The following DCLK1 variants were observed in gnomAD, a reference collection of about 807,000 sequenced individuals.
DCLK1 encodes serine/threonine-protein kinase DCLK1.
DCLK1 carries 16 observed loss-of-function variants against 86.2 expected under a neutral mutation model. The ratio of observed to expected loss-of-function variants is 0.19; its 90% CI spans 0.13 to 0.28. The LOEUF is 0.28. Ranked by LOEUF, DCLK1 falls within the 10% of genes least tolerant of loss-of-function variation. The pLI, the probability that DCLK1 is intolerant of heterozygous loss-of-function variation, is 1.00. For synonymous variants in DCLK1, 369 were observed against 370.5 expected, an observed-to-expected ratio of 1.00 and a Z score of 0.05; for missense variants, 590 against 940.2, an observed-to-expected ratio of 0.63 and a Z score of 4.87.
At chr13:35,854,110 C>T (rs1870869222) in intron 6 of DCLK1, among the ~76,000 whole-genome samples, 1 of 152,180 alleles carries the variant, frequency 6.6e-6, no homozygotes, top group South Asian at 2.1e-4. Flanking sequence ...CCATCCATAC[C>T]ATAAGCAATT....
At chr13:35,995,130 C>CT in intron 3 of DCLK1, among the ~76,000 whole-genome samples, 1 of 152,268 alleles carries the variant, frequency 6.6e-6, no homozygotes, top group East Asian at 1.9e-4. Flanking sequence ...GAGTTTCTTC[C>CT]TTTTCTTTCT....
intron 4 of DCLK1, among the ~76,000 whole-genome samples, chr13:35,885,179 C>A (rs1021608217): frequency 1.3e-5 from 2 of 152,084 alleles, no homozygotes; most frequent in African/African-American, 4.8e-5. Context: ...TAGAAGTCAG[C>A]CAAGCCTTTT....
chr13:35,913,992 T>C (rs1288437332), intron 4 of DCLK1, among the ~76,000 whole-genome samples: 1 of 152,028 alleles, frequency 6.6e-6, no homozygotes, highest in African/African-American at 2.4e-5. Context: ...TCAGTTAGTA[T>C]AGGAAAGAGG....
chr13:35,878,664 T>C (rs1276249570), intron 4 of DCLK1, among the ~76,000 whole-genome samples: 1 of 152,178 alleles, frequency 6.6e-6, no homozygotes, highest in Non-Finnish European at 1.5e-5. Flanking sequence ...AGAGTATAAT[T>C]GGAATAAATG....
chr13:35,802,593 G>C (rs1465669043), intron 15 of DCLK1, among the ~76,000 whole-genome samples: 1 of 151,900 alleles, frequency 6.6e-6, no homozygotes, highest in Non-Finnish European at 1.5e-5. Context: ...AACTTTTCCA[G>C]AAAACTAGCT....
chr13:36,057,271 T>G (rs1240479050), intron 3 of DCLK1, among the ~76,000 whole-genome samples: 2 of 152,058 alleles, frequency 1.3e-5, no homozygotes, highest in African/African-American at 2.4e-5. Context: ...GTCCCACCCC[T>G]TTTCCTTCCC....
intron 4 of DCLK1, among the ~76,000 whole-genome samples, chr13:35,946,274 G>A (rs1234036075): frequency 6.6e-6 from 1 of 152,130 alleles, no homozygotes; most frequent in African/African-American, 2.4e-5. Context: ...AAAGTGCTGG[G>A]GTTACAGGTG....
chr13:35,940,279 A>C (rs1877010312), intron 4 of DCLK1, among the ~76,000 whole-genome samples: 1 of 141,942 alleles, frequency 7.0e-6, no homozygotes. Flanking sequence ...GTGACACAGC[A>C]AGAGTCCGTC....
At chr13:36,125,633 G>A (rs1821028847) in intron 2 of DCLK1, 129 bp downstream of exon 2, 1 of 1,350,526 alleles carries the variant, frequency 7.4e-7, no homozygotes, top group East Asian at 2.4e-5. Flanking sequence ...TCGTATGTCT[G>A]AAACTATAAG....
chr13:36,080,021 A>T (rs1468612994), intron 3 of DCLK1, among the ~76,000 whole-genome samples: 1 of 152,212 alleles, frequency 6.6e-6, no homozygotes, highest in Non-Finnish European at 1.5e-5. Context: ...CTGCAGTGAC[A>T]TACACACATG....
At chr13:36,117,359 G>A (rs1885825191) in intron 2 of DCLK1, among the ~76,000 whole-genome samples, 2 of 152,048 alleles carry the variant, frequency 1.3e-5, no homozygotes, top group Non-Finnish European at 2.9e-5. Flanking sequence ...GCCAAGAAAT[G>A]CAAGTTAAAG....
chr13:35,963,696 G>A (rs1422161378), intron 3 of DCLK1, among the ~76,000 whole-genome samples: 3 of 152,220 alleles, frequency 2.0e-5, no homozygotes, highest in South Asian at 2.1e-4. Flanking sequence ...TGGATTATGG[G>A]GGTGGTTTCC....
chr13:36,083,299 C>G (rs566769927), intron 3 of DCLK1, among the ~76,000 whole-genome samples: 18 of 152,270 alleles, frequency 1.2e-4, no homozygotes, highest in African/African-American at 3.6e-4. Flanking sequence ...CTAAAATACA[C>G]TAAAAATGTC....
At chr13:36,072,898 T>G (rs1413457113) in intron 3 of DCLK1, among the ~76,000 whole-genome samples, 2 of 152,236 alleles carry the variant, frequency 1.3e-5, no homozygotes, top group African/African-American at 2.4e-5. Context: ...ATAATCATTT[T>G]CTGTTGTATC....
At chr13:36,062,873 T>C (rs17053384) in intron 3 of DCLK1, among the ~76,000 whole-genome samples, 57,043 of 152,032 alleles carry the variant, frequency 0.38, 10,942 homozygotes, top group South Asian at 0.59. Flanking sequence ...GTCACCATGA[T>C]GTCTACTAAT....
At chr13:36,098,828 A>C (rs1472813837) in intron 3 of DCLK1, among the ~76,000 whole-genome samples, 3 of 152,234 alleles carry the variant, frequency 2.0e-5, no homozygotes, top group African/African-American at 7.2e-5. Context: ...GTGCAGGCTC[A>C]TAAAACTGAG....
chr13:35,999,897 A>G (rs1166384869), intron 3 of DCLK1, among the ~76,000 whole-genome samples: 1 of 152,202 alleles, frequency 6.6e-6, no homozygotes, highest in African/African-American at 2.4e-5. Flanking sequence ...CACAAATAGC[A>G]GCAATCATTG....
At chr13:36,031,383 A>G (rs1882265101) in intron 3 of DCLK1, among the ~76,000 whole-genome samples, 1 of 152,000 alleles carries the variant, frequency 6.6e-6, no homozygotes, top group South Asian at 2.1e-4. Context: ...CACGGCTCCA[A>G]GTAGCTTGAA....
At chr13:35,901,019 G>A (rs1874323557) in intron 4 of DCLK1, among the ~76,000 whole-genome samples, 1 of 152,066 alleles carries the variant, frequency 6.6e-6, no homozygotes. Context: ...TGTTGAGACA[G>A]TGAGAAAGAA....
Sources: allele counts gnomAD v4.1 joint callset (sites outside exome capture counted in the v4.1 genomes callset), GRCh38; gene constraint gnomAD v4.1.1; transcripts MANE v1.5; gene names NCBI Gene and HGNC (gene_info 2026-07-23, HGNC 2026-07-21).